Variants in RIN3 observed in about 807,000 individuals in gnomAD.
RIN3 encodes RAB5 interacting protein 3.
In RIN3, 54 loss-of-function variants were observed where a neutral mutation model predicts 76.3. The ratio of observed to expected loss-of-function variants is 0.71; its 90% confidence interval spans 0.57 to 0.89. RIN3 has a LOEUF of 0.89. Among genes scored for constraint, RIN3 ranks in the 40% least tolerant of loss-of-function variants. The pLI is 0.00. For missense variants in RIN3, 1,256 were observed against 1,322.1 expected (o/e 0.95, Z 0.78); for synonymous variants, 576 against 564.0 (o/e 1.02, Z -0.30).
At chr14:92,576,157 G>A in intron 2 of RIN3, 2 of 1,159,736 alleles carry the variant, frequency 1.7e-6, no homozygotes, top group Non-Finnish European at 2.2e-6. Context: ...CTGTGCCACA[G>A]GAGGCTGGGG....
At chr14:92,631,117 T>TA (rs1328553330) in intron 4 of RIN3, among the ~76,000 whole-genome samples, 15 of 152,312 alleles carry the variant, frequency 9.8e-5, no homozygotes, top group African/African-American at 3.6e-4. Context: ...GGCGTTTAGT[T>TA]AGACATGTGT....
rs550646916 is a variant in RIN3, at chr14:92,679,359, G to A, written c.2467+2753G>A. ...GGGCCAGAGGACAAACCCACACCACGCTGTGCACACCAGCAAGGGGGGTGG... is the reference window on the plus strand; with the variant it reads ...GGGCCAGAGGACAAACCCACACCACACTGTGCACACCAGCAAGGGGGGTGG... On this transcript the variant is annotated intron_variant, in intron 8 of 9. Coordinates refer to ENST00000216487, the MANE Select transcript of RIN3 (RefSeq NM_024832.5). Among the ~76,000 whole-genome samples, 5 of 152,284 alleles carry A rather than the reference G, an allele frequency of 3.3e-5. No homozygotes were observed. In the East Asian group the frequency reaches 5.8e-4, roughly 18 times the overall value.
chr14:92,653,569 C>T (rs973160061), intron 6 of RIN3, among the ~76,000 whole-genome samples: 1 of 152,224 alleles, frequency 6.6e-6, no homozygotes, highest in Non-Finnish European at 1.5e-5. Flanking sequence ...TTTCAGGGAA[C>T]CAGCCCCAAA....
chr14:92,532,491 C>G (rs1291531599), intron 1 of RIN3, among the ~76,000 whole-genome samples: 1 of 152,210 alleles, frequency 6.6e-6, no homozygotes, highest in African/African-American at 2.4e-5. Flanking sequence ...AGGCCAGCCT[C>G]AGAGTGGAAG....
At chr14:92,561,735 A>T (rs1303883951) in intron 2 of RIN3, among the ~76,000 whole-genome samples, 2 of 152,264 alleles carry the variant, frequency 1.3e-5, no homozygotes, top group African/African-American at 2.4e-5. Context: ...CCCAATCTGG[A>T]GTGCAGTGGC....
At chr14:92,684,026 A>G (rs1888755275) in intron 8 of RIN3, among the ~76,000 whole-genome samples, 1 of 152,192 alleles carries the variant, frequency 6.6e-6, no homozygotes, top group African/African-American at 2.4e-5. Context: ...TTCTCAGAAC[A>G]CTTACATTAG....
intron 5 of RIN3, among the ~76,000 whole-genome samples, chr14:92,649,227 T>G (rs1425972626): frequency 6.6e-6 from 1 of 152,138 alleles, no homozygotes; most frequent in African/African-American, 2.4e-5. Context: ...AGTGGGCAGT[T>G]CTATATGTTA....
At position 92,523,679 on chromosome 14, in the gene RIN3, G is replaced by A. The variant is rs181372957; in HGVS notation, c.44+9703G>A. 2.3e-3 allele frequency among the ~76,000 whole-genome samples: 350 copies of A among 152,264 alleles called. 2 individuals carry two copies. Among genetic ancestry groups the A allele is most frequent in the Admixed American group, 3.7e-3 (56 of 15,304 alleles). Reference sequence around the variant, plus strand: ...CAAACATTTTTTTTTCATATTAAGTGTTTATGAGTTTTAGATTTTGCCAGA... The same window carrying A: ...CAAACATTTTTTTTTCATATTAAGTATTTATGAGTTTTAGATTTTGCCAGA... On this transcript the variant is annotated intron_variant, in intron 1 of 9. Transcript: ENST00000216487.
chr14:92,658,577 A>T (rs1268224429), intron 6 of RIN3, among the ~76,000 whole-genome samples: 1 of 152,230 alleles, frequency 6.6e-6, no homozygotes, highest in Non-Finnish European at 1.5e-5. Context: ...TGTTGACAAG[A>T]GACTATAAGG....
chr14:92,529,394 G>A (rs371760709), intron 1 of RIN3, among the ~76,000 whole-genome samples: 21 of 152,006 alleles, frequency 1.4e-4, no homozygotes, highest in African/African-American at 3.4e-4. Context: ...GATTACAGGC[G>A]CGTGCCACCA....
chr14:92,572,617 C>T (rs535531379), intron 2 of RIN3, among the ~76,000 whole-genome samples: 3 of 152,184 alleles, frequency 2.0e-5, no homozygotes, highest in African/African-American at 4.8e-5. Flanking sequence ...ACATTTTCCC[C>T]TCAAGAGTCT....
At chr14:92,633,481 C>A (rs1490749442) in intron 4 of RIN3, among the ~76,000 whole-genome samples, 1 of 152,206 alleles carries the variant, frequency 6.6e-6, no homozygotes. Context: ...GGCATCCTTG[C>A]CCTAGGAGAA....
At chr14:92,524,804 C>T (rs987438415) in intron 1 of RIN3, among the ~76,000 whole-genome samples, 3 of 152,218 alleles carry the variant, frequency 2.0e-5, no homozygotes, top group African/African-American at 7.2e-5. Flanking sequence ...TGTGGGCTGT[C>T]TCCAACCAAG....
intron 3 of RIN3, among the ~76,000 whole-genome samples, chr14:92,583,839 A>G (rs1204917099): frequency 1.3e-5 from 2 of 152,176 alleles, no homozygotes; most frequent in African/African-American, 2.4e-5. Context: ...AAACTGTTCC[A>G]CTTCAGATCA....
chr14:92,556,005 T>G, intron 2 of RIN3, 50 bp downstream of exon 2: 1 of 1,498,584 alleles, frequency 6.7e-7, no homozygotes. Flanking sequence ...TGTGAGGAAC[T>G]CAGGCGTGCT....
chr14:92,555,614 ATTT>A, intron 1 of RIN3, 134 bp from the exon 2 acceptor site: 2 of 804,090 alleles, frequency 2.5e-6, no homozygotes, highest in Non-Finnish European at 4.0e-6. Flanking sequence ...TGGTTTGTTG[ATTT>A]TTTTTTAATT....
intron 5 of RIN3, among the ~76,000 whole-genome samples, chr14:92,650,217 G>A (rs1887361073): frequency 6.6e-6 from 1 of 152,218 alleles, no homozygotes; most frequent in African/African-American, 2.4e-5. Flanking sequence ...TATGAAGGAA[G>A]GCCGCCTAAC....
chr14:92,535,242 G>A (rs928494203), intron 1 of RIN3, among the ~76,000 whole-genome samples: 9 of 151,986 alleles, frequency 5.9e-5, no homozygotes, highest in African/African-American at 2.2e-4. Flanking sequence ...TGTGTACACT[G>A]TGCTTATGAG....
At chr14:92,535,777 C>T (rs966011567) in intron 1 of RIN3, among the ~76,000 whole-genome samples, 13 of 149,910 alleles carry the variant, frequency 8.7e-5, no homozygotes, top group Non-Finnish European at 1.3e-4. Context: ...CGGGTTCAAG[C>T]GATTCTCCTG....
Sources: gnomAD v4.1 joint callset for allele counts (sites outside exome capture counted in the v4.1 genomes callset) on GRCh38, gnomAD v4.1.1 for gene constraint, MANE v1.5 for transcripts, NCBI Gene and HGNC (gene_info 2026-07-23, HGNC 2026-07-21) for gene names.